The following ERC2 variants were observed in gnomAD, a reference collection of about 807,000 sequenced individuals.
The protein encoded by ERC2 is ERC protein 2.
In ERC2, 42 loss-of-function variants were observed where a neutral mutation model predicts 114.8. That is an observed-to-expected ratio of 0.37 (90% CI 0.29 to 0.47). The LOEUF is 0.47. Among genes scored for constraint, ERC2 ranks in the 20% least tolerant of loss-of-function variants. ERC2 has a pLI of 0.99. For synonymous variants in ERC2, 454 were observed against 425.5 expected, an observed-to-expected ratio of 1.07 and a Z score of -0.82; for missense variants, 939 against 1,150.7, an observed-to-expected ratio of 0.82 and a Z score of 2.66.
chr3:55,555,847 G>A (rs1163864685), intron 17 of ERC2, among the ~76,000 whole-genome samples: 3 of 152,244 alleles, frequency 2.0e-5, no homozygotes, highest in East Asian at 1.9e-4. Flanking sequence ...GCTGAAATCC[G>A]CGCTGCTCGC....
chr3:55,831,905 T>C (rs1162885177), intron 14 of ERC2, among the ~76,000 whole-genome samples: 2 of 152,300 alleles, frequency 1.3e-5, no homozygotes, highest in African/African-American at 2.4e-5. Context: ...CCCACCCGAA[T>C]ACTGTGCTTT....
At chr3:55,687,906 T>A (rs1436930584) in intron 16 of ERC2, among the ~76,000 whole-genome samples, 1 of 152,208 alleles carries the variant, frequency 6.6e-6, no homozygotes, top group Non-Finnish European at 1.5e-5. Context: ...AGCCTGCAAA[T>A]GTGGGGCACC....
At chr3:55,656,149 T>G (rs926649920) in intron 17 of ERC2, among the ~76,000 whole-genome samples, 1 of 151,156 alleles carries the variant, frequency 6.6e-6, no homozygotes, top group East Asian at 1.9e-4. Context: ...TTTAAAGAAT[T>G]TTTTTTAGAA....
chr3:56,186,524 T>G (rs772685652), intron 3 of ERC2, among the ~76,000 whole-genome samples: 17 of 152,068 alleles, frequency 1.1e-4, no homozygotes, highest in Non-Finnish European at 2.2e-4. Context: ...TGGTTTTGTT[T>G]GTTTGTTTGT....
In ERC2 at chr3:55,508,840, C is replaced by T. The variant is rs2051913828; in HGVS notation, c.*2476G>A. The T allele has an allele frequency of 6.6e-6, 1 of 152,510 alleles. No individual in the cohort carries two copies. The highest frequency in any genetic ancestry group is 2.4e-5 in the African/African-American group (1 of 41,420). 9.4% of individuals were successfully genotyped at this position (152,510 alleles called of 1,614,324 possible). ...ATCAAATGGGGTATAAAGCACAAGC[C>T]TGCTTTTGCACAAAGTAAGACCAAC... On this transcript the variant is annotated 3_prime_UTR_variant, in exon 18 of 18. Transcript: ENST00000288221.
At chr3:56,274,930 A>T (rs2053898536) in intron 3 of ERC2, among the ~76,000 whole-genome samples, 1 of 152,256 alleles carries the variant, frequency 6.6e-6, no homozygotes, top group African/African-American at 2.4e-5. Context: ...ATGGTCACAA[A>T]AATAATTGCC....
chr3:56,229,537 CA>C (rs2050469360), intron 3 of ERC2, among the ~76,000 whole-genome samples: 1 of 152,104 alleles, frequency 6.6e-6, no homozygotes, highest in Non-Finnish European at 1.5e-5. Context: ...TACTTAAGTA[CA>C]AAGTCTGAAG....
chr3:55,829,765 T>C (rs1300786463), intron 14 of ERC2, among the ~76,000 whole-genome samples: 4 of 152,152 alleles, frequency 2.6e-5, no homozygotes, highest in Admixed American at 2.0e-4. Context: ...GCTCAAGTGA[T>C]CCTCCTGCCT....
chr3:55,588,968 G>A (rs2057731968), intron 17 of ERC2, among the ~76,000 whole-genome samples: 1 of 152,080 alleles, frequency 6.6e-6, no homozygotes, highest in African/African-American at 2.4e-5. Flanking sequence ...AATACAGAGG[G>A]AGGGTAGGGC....
intron 5 of ERC2, among the ~76,000 whole-genome samples, chr3:56,142,007 AT>A (rs548301961): frequency 5.3e-4 from 79 of 150,196 alleles, no homozygotes; most frequent in South Asian, 1.1e-3. Context: ...TGAAATTGGA[AT>A]TTTTTTTTTA....
chr3:55,730,410 G>T (rs2148909318), intron 15 of ERC2, among the ~76,000 whole-genome samples: 1 of 152,320 alleles, frequency 6.6e-6, no homozygotes, highest in South Asian at 2.1e-4. Flanking sequence ...GATGATGTTT[G>T]TAAACTTAGG....
intron 3 of ERC2, among the ~76,000 whole-genome samples, chr3:56,179,720 C>T (rs1395214948): frequency 1.3e-5 from 2 of 151,638 alleles, no homozygotes; most frequent in Non-Finnish European, 2.9e-5. Context: ...AAGTGGACCA[C>T]CAAGACAGGG....
chr3:55,595,770 A>G (rs1356715618), intron 17 of ERC2, among the ~76,000 whole-genome samples: 2 of 152,240 alleles, frequency 1.3e-5, no homozygotes, highest in African/African-American at 4.8e-5. Flanking sequence ...TAAAGAAACC[A>G]AGTGGATCTT....
chr3:55,733,462 TCTCACA>T (rs1315480027), intron 15 of ERC2, among the ~76,000 whole-genome samples: 5 of 101,464 alleles, frequency 4.9e-5, no homozygotes, highest in Non-Finnish European at 6.7e-5. Flanking sequence ...TCTCTCTCTC[TCTCACA>T]CACACACACA....
chr3:55,908,380 G>C (rs1322119216), intron 13 of ERC2, among the ~76,000 whole-genome samples: 1 of 152,122 alleles, frequency 6.6e-6, no homozygotes, highest in Non-Finnish European at 1.5e-5. Context: ...TTGGTGGAAA[G>C]AGCATTCTAG....
chr3:56,112,430 CAG>C (rs1392082006), intron 6 of ERC2, among the ~76,000 whole-genome samples: 2 of 63,678 alleles, frequency 3.1e-5, no homozygotes, highest in African/African-American at 1.1e-4. Flanking sequence ...AAAAGACAGA[CAG>C]ACACACACAC....
chr3:55,695,797 A>G (rs1052056454), intron 16 of ERC2, among the ~76,000 whole-genome samples: 1 of 152,210 alleles, frequency 6.6e-6, no homozygotes, highest in Non-Finnish European at 1.5e-5. Context: ...TGATACTCTG[A>G]GAACAATATT....
chr3:56,047,163 A>G (rs2075515637), intron 7 of ERC2, among the ~76,000 whole-genome samples: 1 of 152,230 alleles, frequency 6.6e-6, no homozygotes, highest in African/African-American at 2.4e-5. Context: ...TTTCCTATTA[A>G]GATCCAGAAT....
chr3:56,137,786 T>C (rs1044927902), intron 6 of ERC2, among the ~76,000 whole-genome samples: 4 of 152,244 alleles, frequency 2.6e-5, no homozygotes, highest in Admixed American at 6.5e-5. Context: ...ACTAGCCACA[T>C]GTAACTGTTA....
Sources: allele counts gnomAD v4.1 joint callset (sites outside exome capture counted in the v4.1 genomes callset), GRCh38; gene constraint gnomAD v4.1.1; transcripts MANE v1.5; gene names NCBI Gene and HGNC (gene_info 2026-07-23, HGNC 2026-07-21).